Variants in PLD1 observed in about 807,000 individuals in gnomAD.
The protein encoded by PLD1 is choline phosphatase 1.
A neutral mutation model predicts 137.1 loss-of-function variants in PLD1; 112 were observed. The observed-to-expected ratio is 0.82, with a 90% CI of 0.70 to 0.96. The LOEUF is 0.96. Ranked by LOEUF, PLD1 falls within the 40% of genes least tolerant of loss-of-function variation. The pLI, the probability that PLD1 is intolerant of heterozygous loss-of-function variation, is 0.00. For missense variants in PLD1, 1,321 were observed against 1,342.0 expected, an observed-to-expected ratio of 0.98 and a Z score of 0.24; for synonymous variants, 431 against 454.7, an observed-to-expected ratio of 0.95 and a Z score of 0.66.
intron 1 of PLD1, among the ~76,000 whole-genome samples, chr3:171,791,240 C>T (rs1360301802): frequency 6.6e-6 from 1 of 152,194 alleles, no homozygotes; most frequent in Non-Finnish European, 1.5e-5. Flanking sequence ...AAAAAAACCT[C>T]ACACTAGCCT....
chr3:171,744,964 C>T (rs950858259), intron 1 of PLD1, among the ~76,000 whole-genome samples: 3 of 152,210 alleles, frequency 2.0e-5, no homozygotes, highest in Non-Finnish European at 4.4e-5. Context: ...ATAACTCACA[C>T]GTTTTGGGGC....
intron 22 of PLD1, 175 bp from the exon 23 acceptor site, chr3:171,643,064 C>T (rs1735902778): frequency 3.9e-6 from 2 of 512,828 alleles, no homozygotes; most frequent in Non-Finnish European, 6.8e-6. Context: ...TTTTGTAATG[C>T]TACTAATAGG....
chr3:171,698,261 T>C (rs1268581603), intron 12 of PLD1, among the ~76,000 whole-genome samples: 7 of 152,202 alleles, frequency 4.6e-5, no homozygotes, highest in Admixed American at 1.3e-4. Flanking sequence ...AGCTGGCTCA[T>C]AGGAGACAGT....
chr3:171,735,865 C>T (rs1054251616), intron 3 of PLD1, among the ~76,000 whole-genome samples: 1 of 152,156 alleles, frequency 6.6e-6, no homozygotes, highest in Non-Finnish European at 1.5e-5. Flanking sequence ...TCACACGAGA[C>T]GATTCCTACA....
chr3:171,635,965 C>CTTTTTTTTGTTTTTTTTTTTTTTTTTT (rs1735079045), intron 23 of PLD1, among the ~76,000 whole-genome samples: 1 of 49,252 alleles, frequency 2.0e-5, no homozygotes, highest in Non-Finnish European at 4.4e-5. Flanking sequence ...GGTTCAACTT[C>CTTTTTTTTGTTTTTTTTTTTTTTTTTT]TTTTTTTTTT....
At chr3:171,724,883 A>G in intron 7 of PLD1, 95 bp from the exon 8 acceptor site, 1 of 781,336 alleles carries the variant, frequency 1.3e-6, no homozygotes, top group Non-Finnish European at 2.3e-6. Flanking sequence ...AAACCATCTC[A>G]TTCTCACATG....
intron 22 of PLD1, 130 bp downstream of exon 22, chr3:171,644,780 G>GAT: frequency 1.6e-6 from 1 of 644,722 alleles, no homozygotes; most frequent in South Asian, 1.8e-5. Flanking sequence ...GCCAAGATTT[G>GAT]AAAGTAAAAT....
At chr3:171,743,449 T>C (rs554059318) in intron 1 of PLD1, among the ~76,000 whole-genome samples, 1 of 152,296 alleles carries the variant, frequency 6.6e-6, no homozygotes, top group Non-Finnish European at 1.5e-5. Flanking sequence ...AAAACAATCA[T>C]GGAAGGCATT....
At chr3:171,785,384 C>T (rs370866766) in intron 1 of PLD1, among the ~76,000 whole-genome samples, 150 of 151,072 alleles carry the variant, frequency 9.9e-4, no homozygotes, top group Non-Finnish European at 1.7e-3. Flanking sequence ...GTGATCCACA[C>T]AAAAATTATT....
chr3:171,715,843 G>A (rs1358403390), intron 8 of PLD1, among the ~76,000 whole-genome samples: 1 of 151,970 alleles, frequency 6.6e-6, no homozygotes, highest in Admixed American at 6.6e-5. Flanking sequence ...CAGGGGTTTG[G>A]TGTACAGATT....
At chr3:171,750,446 G>A (rs1441774274) in intron 1 of PLD1, among the ~76,000 whole-genome samples, 3 of 151,220 alleles carry the variant, frequency 2.0e-5, no homozygotes, top group Non-Finnish European at 4.4e-5. Context: ...CAGAAAGATA[G>A]GGTAAAGAGA....
intron 23 of PLD1, among the ~76,000 whole-genome samples, chr3:171,622,399 T>A (rs181902357): frequency 6.6e-6 from 1 of 152,254 alleles, no homozygotes; most frequent in African/African-American, 2.4e-5. Context: ...TTATTTAAGA[T>A]TAGTATACAC....
At chr3:171,649,733 ACAGCATTCT>A (rs1250629559) in intron 21 of PLD1, among the ~76,000 whole-genome samples, 1 of 152,222 alleles carries the variant, frequency 6.6e-6, no homozygotes, top group Non-Finnish European at 1.5e-5. Flanking sequence ...TTTCTACCAA[ACAGCATTCT>A]CAGGCTTCTT....
chr3:171,674,675 G>C (rs1713151028), intron 18 of PLD1, 62 bp from the exon 19 acceptor site: 3 of 988,884 alleles, frequency 3.0e-6, no homozygotes, highest in Non-Finnish European at 4.7e-6. Context: ...TCCCTACTTT[G>C]TGATTATAAA....
intron 23 of PLD1, among the ~76,000 whole-genome samples, chr3:171,624,770 A>T (rs1733942406): frequency 6.6e-6 from 1 of 152,168 alleles, no homozygotes; most frequent in Non-Finnish European, 1.5e-5. Flanking sequence ...TTAAATGGAA[A>T]AGGCAAGGTG....
At chr3:171,774,263 C>T (rs528489346) in intron 1 of PLD1, among the ~76,000 whole-genome samples, 2 of 152,298 alleles carry the variant, frequency 1.3e-5, no homozygotes, top group South Asian at 4.2e-4. Flanking sequence ...ATAAGGCCTG[C>T]ACTGTGAACA....
intron 16 of PLD1, among the ~76,000 whole-genome samples, chr3:171,682,261 A>G (rs1714092237): frequency 6.6e-6 from 1 of 152,238 alleles, no homozygotes; most frequent in Non-Finnish European, 1.5e-5. Flanking sequence ...TTCTGAATGA[A>G]AAAAAATCTT....
intron 1 of PLD1, among the ~76,000 whole-genome samples, chr3:171,775,000 G>C (rs115395495): frequency 3.9e-5 from 6 of 152,156 alleles, no homozygotes; most frequent in Non-Finnish European, 7.3e-5. Flanking sequence ...GCTGCAGCTG[G>C]GGGACAGTGG....
At chr3:171,759,427 CT>C (rs1721248627) in intron 1 of PLD1, among the ~76,000 whole-genome samples, 1 of 152,160 alleles carries the variant, frequency 6.6e-6, no homozygotes, top group Non-Finnish European at 1.5e-5. Context: ...TACACTTATT[CT>C]TTGAAAGAGA....
Sources: gnomAD v4.1 joint callset for allele counts (sites outside exome capture counted in the v4.1 genomes callset) on GRCh38, gnomAD v4.1.1 for gene constraint, MANE v1.5 for transcripts, NCBI Gene and HGNC (gene_info 2026-07-23, HGNC 2026-07-21) for gene names.